The following UBASH3B variants were observed in gnomAD, a reference collection of about 807,000 sequenced individuals.
The protein encoded by UBASH3B is ubiquitin associated and SH3 domain containing B, also known as ubiquitin-associated and SH3 domain-containing protein B.
In UBASH3B, 37 loss-of-function variants were observed where a neutral mutation model predicts 83.4. The ratio of observed to expected loss-of-function variants is 0.44; its 90% CI spans 0.34 to 0.58. The LOEUF is 0.58. UBASH3B is among the 20% of genes least tolerant of loss of function. The pLI is 0.01. For synonymous variants in UBASH3B, 304 were observed against 318.3 expected, an observed-to-expected ratio of 0.96 and a Z score of 0.48; for missense variants, 657 against 827.2, an observed-to-expected ratio of 0.79 and a Z score of 2.52.
intron 1 of UBASH3B, among the ~76,000 whole-genome samples, chr11:122,684,686 C>T (rs1863786595): frequency 6.6e-6 from 1 of 152,158 alleles, no homozygotes; most frequent in Non-Finnish European, 1.5e-5. Flanking sequence ...CAACCTCTAC[C>T]TCCTGGGTTC....
chr11:122,702,756 G>A (rs1039694567), intron 1 of UBASH3B, among the ~76,000 whole-genome samples: 2 of 151,738 alleles, frequency 1.3e-5, no homozygotes, highest in African/African-American at 4.8e-5. Context: ...AACTCCTGAC[G>A]TCAGGTGATC....
intron 1 of UBASH3B, among the ~76,000 whole-genome samples, chr11:122,736,572 G>A (rs561864032): frequency 3.9e-5 from 6 of 152,186 alleles, no homozygotes; most frequent in African/African-American, 9.6e-5. Context: ...GGGCTTTAGC[G>A]ACGCTCTTCA....
At chr11:122,753,481 T>G (rs1861232185) in intron 1 of UBASH3B, among the ~76,000 whole-genome samples, 1 of 141,544 alleles carries the variant, frequency 7.1e-6, no homozygotes, top group Admixed American at 7.3e-5. Flanking sequence ...CCTGAGTTTC[T>G]TTATCTTTTT....
At chr11:122,687,786 ATCT>A (rs1863827258) in intron 1 of UBASH3B, among the ~76,000 whole-genome samples, 1 of 151,990 alleles carries the variant, frequency 6.6e-6, no homozygotes, top group Non-Finnish European at 1.5e-5. Context: ...CTCCATGATC[ATCT>A]TCTTCCTGGT....
chr11:122,702,877 T>C (rs80094073), intron 1 of UBASH3B, among the ~76,000 whole-genome samples: 1,629 of 152,288 alleles, frequency 0.011, 28 homozygotes, highest in African/African-American at 0.035. Context: ...CTTTGAATTA[T>C]ACTAACATCA....
intron 1 of UBASH3B, among the ~76,000 whole-genome samples, chr11:122,764,681 C>A (rs1448845362): frequency 2.0e-5 from 3 of 152,242 alleles, no homozygotes; most frequent in Non-Finnish European, 2.9e-5. Flanking sequence ...GTATCAGAAA[C>A]TGAAGTCTCA....
intron 1 of UBASH3B, among the ~76,000 whole-genome samples, chr11:122,706,965 C>T (rs1864127240): frequency 1.3e-5 from 2 of 152,096 alleles, no homozygotes; most frequent in African/African-American, 4.8e-5. Flanking sequence ...AAAAGAATGC[C>T]AGTGGAAGAC....
chr11:122,740,152 G>A (rs1894087), intron 1 of UBASH3B, among the ~76,000 whole-genome samples: 88,785 of 151,984 alleles, frequency 0.58, 26,519 homozygotes, highest in African/African-American at 0.71. Flanking sequence ...AGTTCTACAC[G>A]CTGAAGGATC....
intron 6 of UBASH3B, among the ~76,000 whole-genome samples, chr11:122,791,039 C>T (rs1278725652): frequency 6.6e-6 from 1 of 152,096 alleles, no homozygotes; most frequent in African/African-American, 2.4e-5. Flanking sequence ...TAAATTACAA[C>T]TCAGGCCGAT....
chr11:122,782,851 T>C (rs1235040827), intron 4 of UBASH3B: 22 of 635,290 alleles, frequency 3.5e-5, no homozygotes, highest in Non-Finnish European at 5.6e-5. Context: ...TGGCTATCTC[T>C]TGAACAGTGG....
intron 1 of UBASH3B, among the ~76,000 whole-genome samples, chr11:122,702,776 C>T (rs916445203): frequency 3.3e-5 from 5 of 152,040 alleles, no homozygotes; most frequent in South Asian, 2.1e-4. Context: ...CCACCCGCCT[C>T]GGCCTCCCAA....
At chr11:122,754,067 T>C (rs905804859) in intron 1 of UBASH3B, among the ~76,000 whole-genome samples, 1 of 151,998 alleles carries the variant, frequency 6.6e-6, no homozygotes, top group African/African-American at 2.4e-5. Context: ...TGGAACTGAA[T>C]GTTCAGTTTT....
At chr11:122,702,785 A>G (rs568958910) in intron 1 of UBASH3B, among the ~76,000 whole-genome samples, 5 of 152,038 alleles carry the variant, frequency 3.3e-5, no homozygotes, top group South Asian at 2.1e-4. Context: ...TCGGCCTCCC[A>G]AAGTGCTGGG....
intron 1 of UBASH3B, among the ~76,000 whole-genome samples, chr11:122,690,472 T>C (rs1863880531): frequency 6.6e-6 from 1 of 151,800 alleles, no homozygotes; most frequent in Non-Finnish European, 1.5e-5. Flanking sequence ...GATTACATTC[T>C]CATGGTTTTG....
At chr11:122,751,080 G>T (rs1471793599) in intron 1 of UBASH3B, among the ~76,000 whole-genome samples, 1 of 150,428 alleles carries the variant, frequency 6.6e-6, no homozygotes. Flanking sequence ...CACGCGCCTG[G>T]GTTTTGGGCC....
chr11:122,788,656 GAC>G (rs1426769451), intron 5 of UBASH3B, among the ~76,000 whole-genome samples: 1 of 152,074 alleles, frequency 6.6e-6, no homozygotes, highest in Non-Finnish European at 1.5e-5. Flanking sequence ...CTGGAGGAGA[GAC>G]ACTCCACCTG....
At chr11:122,764,395 C>T (rs1241444443) in intron 1 of UBASH3B, among the ~76,000 whole-genome samples, 8 of 152,196 alleles carry the variant, frequency 5.3e-5, no homozygotes, top group South Asian at 2.1e-4. Context: ...ACGAAAAAAA[C>T]GAGAGCACCA....
chr11:122,813,709 A>G lies in UBASH3B; in HGVS notation c.*3823A>G, dbSNP rs1861491166. ...GAGCGATTTAACATCTATTTAGGTT[A>G]ATGTTCACTTTACAAAGGTGATGGG... On this transcript the variant is annotated 3_prime_UTR_variant, in exon 14 of 14. Transcript: ENST00000284273. 1 of 152,202 alleles carries G rather than the reference A, an allele frequency of 6.6e-6. No homozygotes were observed. Among genetic ancestry groups the G allele is most frequent in the Non-Finnish European group, 1.5e-5 (1 of 68,032 alleles). 9.4% of individuals were successfully genotyped at this position (152,202 alleles called of 1,614,324 possible).
In UBASH3B at chr11:122,813,755, G is replaced by A. The variant is rs567183882; in HGVS notation, c.*3869G>A. 3 of 152,284 alleles carry A rather than the reference G, an allele frequency of 2.0e-5. No homozygotes were observed. Among genetic ancestry groups the A allele is most frequent in the Admixed American group, 2.0e-4 (3 of 15,292 alleles). 9.4% of individuals were successfully genotyped at this position (152,284 alleles called of 1,614,324 possible). A position where few individuals can be genotyped will look rare whatever the true frequency, so the allele number is the denominator to read the frequency against. ...ATGGGGGATATTTTGTTAGGTGATAGCAGAAGCTTTTCATTTTTAAACATA... is the reference window on the plus strand; with the variant it reads ...ATGGGGGATATTTTGTTAGGTGATAACAGAAGCTTTTCATTTTTAAACATA... On this transcript the variant is annotated 3_prime_UTR_variant, in exon 14 of 14. Transcript: ENST00000284273.
Sources: gnomAD v4.1 joint callset for allele counts (sites outside exome capture counted in the v4.1 genomes callset) on GRCh38, gnomAD v4.1.1 for gene constraint, MANE v1.5 for transcripts, NCBI Gene and HGNC (gene_info 2026-07-23, HGNC 2026-07-21) for gene names.